Variants in SMC1A observed in about 807,000 individuals in gnomAD.
The protein encoded by SMC1A is structural maintenance of chromosomes 1A.
Under a neutral mutation model 94.5 loss-of-function variants are expected in SMC1A, and 4 were observed. That is an observed-to-expected ratio of 0.04 (90% CI 0.02 to 0.10). The LOEUF (loss-of-function observed/expected upper bound fraction) is 0.10. SMC1A is among the 10% of genes least tolerant of loss of function. SMC1A has a pLI of 1.00. For synonymous variants in SMC1A, 345 were observed against 347.7 expected (o/e 0.99, Z 0.09); for missense variants, 304 against 989.0 (o/e 0.31, Z 9.29).
At chrX:53,413,474 G>T in intron 3 of SMC1A, 39 bp from the exon 4 acceptor site, 1 of 1,145,505 alleles carries the variant, frequency 8.7e-7, no homozygotes. Flanking sequence ...TCAGACCCCA[G>T]CCAACCCAGT....
chrX:53,391,403 G>A (rs1319506480), intron 19 of SMC1A, among the ~76,000 whole-genome samples: 1 of 107,441 alleles, frequency 9.3e-6, no homozygotes, highest in Non-Finnish European at 1.9e-5. Flanking sequence ...AGGATCACTT[G>A]AGGCCAGAAG....
At chrX:53,392,108 C>A (rs1384366184) in intron 19 of SMC1A, among the ~76,000 whole-genome samples, 1 of 111,279 alleles carries the variant, frequency 9.0e-6, no homozygotes, top group Non-Finnish European at 1.9e-5. Context: ...ACAATTTCCA[C>A]GGCCGGGCAC....
At position 53,378,639 on chromosome X, in the gene SMC1A, G is replaced by A. The variant is rs2075569589; in HGVS notation, c.*1464C>T. The A allele has an allele frequency of 8.9e-6, 1 of 112,428 alleles. No homozygotes were observed. Among genetic ancestry groups the A allele is most frequent in the South Asian group, 3.6e-4 (1 of 2,772 alleles). The allele number at this position is 112,428 out of a possible 1,213,427, so 9.3% of individuals were successfully genotyped here. On this transcript the variant is annotated 3_prime_UTR_variant, in exon 25 of 25. Coordinates refer to ENST00000322213, the MANE Select transcript of SMC1A (RefSeq NM_006306.4). The stretch of plus-strand genomic sequence containing the variant: ...TCTTTAACAATCTAACTTCTCAAAA[G>A]GAGAATGAATTCATGCATATTTGGG...
rs1174542777 is a variant in SMC1A, at chrX:53,378,640, G to A, written c.*1463C>T. ...CTTTAACAATCTAACTTCTCAAAAGGAGAATGAATTCATGCATATTTGGGT... is the reference window on the plus strand; with the variant it reads ...CTTTAACAATCTAACTTCTCAAAAGAAGAATGAATTCATGCATATTTGGGT... On this transcript the variant is annotated 3_prime_UTR_variant, in exon 25 of 25. Coordinates refer to ENST00000322213, the MANE Select transcript of SMC1A (RefSeq NM_006306.4). The A allele has an allele frequency of 8.9e-6, 1 of 112,483 alleles. No homozygotes were observed. Among genetic ancestry groups the A allele is most frequent in the Non-Finnish European group, 1.9e-5 (1 of 53,354 alleles). The allele number at this position is 112,483 out of a possible 1,213,427, so 9.3% of individuals were successfully genotyped here.
At chrX:53,408,840 TAAA>T (rs1295569888) in intron 9 of SMC1A, among the ~76,000 whole-genome samples, 12 of 67,038 alleles carry the variant, frequency 1.8e-4, no homozygotes, top group African/African-American at 2.3e-4. Flanking sequence ...GGTTGAAAAA[TAAA>T]AAAAAAAAAA....
intron 19 of SMC1A, among the ~76,000 whole-genome samples, chrX:53,386,449 C>T (rs2075604967): frequency 9.0e-6 from 1 of 111,690 alleles, no homozygotes; most frequent in Admixed American, 9.6e-5. Flanking sequence ...TATTATGAAA[C>T]CTAATTATTC....
At chrX:53,397,239 G>GTTC (rs2075654688) in intron 16 of SMC1A, among the ~76,000 whole-genome samples, 1 of 111,674 alleles carries the variant, frequency 9.0e-6, no homozygotes, top group Admixed American at 9.6e-5. Context: ...TATGTATAAT[G>GTTC]TTCTGATTTT....
At chrX:53,394,353 CAT>C (rs1422444437) in intron 19 of SMC1A, among the ~76,000 whole-genome samples, 2 of 109,419 alleles carry the variant, frequency 1.8e-5, no homozygotes, top group African/African-American at 6.7e-5. Flanking sequence ...TGGGACCTAG[CAT>C]AGAGATTGCA....
chrX:53,388,802 C>T lies in SMC1A; in HGVS notation c.2974-5549G>A, dbSNP rs781877286. ...CACAAGGTCAGGATATCGAGACCAT[C>T]CTGGCTAACACGGTGAAACCCCGTC... is the stretch of plus-strand genomic sequence containing the variant. On this transcript the variant is annotated intron_variant, in intron 19 of 24. Transcript: ENST00000322213. Among the ~76,000 whole-genome samples, 71 of 108,313 alleles carry T rather than the reference C, an allele frequency of 6.6e-4. 2 individuals carry two copies. The South Asian group carries it at 0.028, about 43-fold the overall frequency. The allele number at this position is 108,313 out of a possible 115,157, so 94.1% of individuals were successfully genotyped here.
intron 7 of SMC1A, 100 bp from the exon 8 acceptor site, chrX:53,409,603 C>T (rs962301635): frequency 2.0e-5 from 13 of 656,358 alleles, no homozygotes; most frequent in Admixed American, 1.2e-4. Context: ...ATCCAAGAGC[C>T]GAACAGTCCA....
intron 19 of SMC1A, among the ~76,000 whole-genome samples, chrX:53,390,008 G>A (rs1306495020): frequency 2.9e-5 from 3 of 104,550 alleles, no homozygotes; most frequent in Non-Finnish European, 3.9e-5. Context: ...TGCCACCACG[G>A]CCAGCTAATT....
chrX:53,387,362 GTTA>G (rs1190320981), intron 19 of SMC1A, among the ~76,000 whole-genome samples: 1 of 112,052 alleles, frequency 8.9e-6, no homozygotes, highest in Non-Finnish European at 1.9e-5. Flanking sequence ...AAGTAAATGT[GTTA>G]TTATGTTAGT....
chrX:53,394,533 T>C lies in SMC1A; in HGVS notation c.2973+245A>G, dbSNP rs782192032. Among the ~76,000 whole-genome samples, 81 of 111,353 alleles carry C rather than the reference T, an allele frequency of 7.3e-4. 2 individuals carry two copies. The South Asian group carries it at 0.03, about 42-fold the overall frequency. ...TACACACATGGAAGGGGAAGACTGA[T>C]AGCAGGCAAGGGCAGGGGCAACTTG... On this transcript the variant is annotated intron_variant, in intron 19 of 24. Transcript: ENST00000322213.
At chrX:53,380,221 G>A (rs369860586) in intron 24 of SMC1A, 35 bp from the exon 25 acceptor site, 3 of 1,065,577 alleles carry the variant, frequency 2.8e-6, no homozygotes, top group Middle Eastern at 2.7e-4. Flanking sequence ...AAATAAAATT[G>A]TAAGGAGAGA....
rs2075632916 is a variant in SMC1A, at chrX:53,392,357, A to C, written c.2973+2421T>G. On this transcript the variant is annotated intron_variant, in intron 19 of 24. Coordinates refer to ENST00000322213, the MANE Select transcript of SMC1A (RefSeq NM_006306.4). ...CAGTGAGCCGAGACCACGCCACTGC[A>C]CTCCAGCCTGGGTGACAGAGCGAGA... Among the ~76,000 whole-genome samples the C allele has an allele frequency of 2.8e-5, 3 of 107,953 alleles. No individual in the cohort carries two copies. In the Admixed American group the frequency reaches 3.0e-4, roughly 11 times the overall value. 93.7% of individuals were successfully genotyped at this position (107,953 alleles called of 115,157 possible).
intron 9 of SMC1A, among the ~76,000 whole-genome samples, chrX:53,407,695 A>G (rs2075696349): frequency 1.8e-5 from 2 of 111,725 alleles, no homozygotes; most frequent in Admixed American, 1.9e-4. Flanking sequence ...AAATAGTGTC[A>G]GAGCTGAAGT....
intron 19 of SMC1A, among the ~76,000 whole-genome samples, chrX:53,391,341 A>T (rs1259552431): frequency 4.6e-5 from 5 of 109,547 alleles, no homozygotes; most frequent in African/African-American, 1.7e-4. Context: ...AAAATGGGCC[A>T]GGTGCAGAGG....
intron 19 of SMC1A, among the ~76,000 whole-genome samples, chrX:53,391,916 C>G (rs2146590423): frequency 9.0e-6 from 1 of 110,881 alleles, no homozygotes; most frequent in South Asian, 3.8e-4. Context: ...TGTCTACCCA[C>G]TAGATGCCAG....
chrX:53,397,371 A>T (rs1298412071), intron 16 of SMC1A, among the ~76,000 whole-genome samples: 3 of 111,767 alleles, frequency 2.7e-5, no homozygotes, highest in Non-Finnish European at 5.6e-5. Context: ...GCTTGAGCCC[A>T]GGAGTTCGAG....
Sources: allele counts gnomAD v4.1 joint callset (sites outside exome capture counted in the v4.1 genomes callset), GRCh38; gene constraint gnomAD v4.1.1; transcripts MANE v1.5; gene names NCBI Gene and HGNC (gene_info 2026-07-23, HGNC 2026-07-21).